The following HMGCLL1 variants were observed in gnomAD, a reference collection of about 807,000 sequenced individuals.
HMGCLL1 encodes the protein 3-hydroxymethyl-3-methylglutaryl-CoA lyase, cytoplasmic.
A neutral mutation model predicts 39.1 loss-of-function variants in HMGCLL1; 36 were observed. The observed-to-expected ratio is 0.92, with a 90% CI of 0.71 to 1.22. The LOEUF (loss-of-function observed/expected upper bound fraction) is 1.22, where lower values mean the gene tolerates loss of function less well. Among genes scored for constraint, HMGCLL1 ranks in the 50% most tolerant of loss-of-function variants. The pLI is 0.00. For missense variants in HMGCLL1, 451 were observed against 416.5 expected (o/e 1.08, Z -0.72); for synonymous variants, 149 against 144.0 (o/e 1.03, Z -0.25).
At chr6:55,641,855 CT>C in the HMGCLL1 span, among the ~76,000 whole-genome samples, 360 of 141,822 alleles carry the variant, frequency 2.5e-3, 2 homozygotes, top group Middle Eastern at 0.015. Context: ...TCATAATTTT[CT>C]TTTTTTTTAA....
intron 8 of HMGCLL1, among the ~76,000 whole-genome samples, chr6:55,438,746 C>T (rs960989685): frequency 2.0e-5 from 3 of 152,054 alleles, no homozygotes; most frequent in Non-Finnish European, 4.4e-5. Flanking sequence ...ATTCATTTTA[C>T]AATACAGATG....
chr6:55,616,817 CTTAG>C, the HMGCLL1 span, among the ~76,000 whole-genome samples: 2 of 151,710 alleles, frequency 1.3e-5, no homozygotes, highest in Non-Finnish European at 2.9e-5. Flanking sequence ...CATTATGAAA[CTTAG>C]TTATGTCTTT....
chr6:55,543,642 C>G (rs1769780661), intron 1 of HMGCLL1, among the ~76,000 whole-genome samples: 1 of 143,686 alleles, frequency 7.0e-6, no homozygotes, highest in African/African-American at 2.6e-5. Flanking sequence ...TTGCTTGAGC[C>G]CAGGAGTTTG....
chr6:55,466,891 G>T (rs1313934478), intron 7 of HMGCLL1, among the ~76,000 whole-genome samples: 4 of 152,042 alleles, frequency 2.6e-5, no homozygotes, highest in South Asian at 2.1e-4. Context: ...GCTGGATAAA[G>T]TTCAAGAGTT....
intron 7 of HMGCLL1, among the ~76,000 whole-genome samples, chr6:55,470,841 G>A (rs1198961105): frequency 1.3e-5 from 2 of 151,582 alleles, no homozygotes; most frequent in African/African-American, 4.8e-5. Context: ...AGCATGAAGA[G>A]GGAACTGCCA....
At chr6:55,667,183 A>G in the HMGCLL1 span, among the ~76,000 whole-genome samples, 1 of 151,814 alleles carries the variant, frequency 6.6e-6, no homozygotes, top group Non-Finnish European at 1.5e-5. Context: ...TTTATGAATC[A>G]CTTGCAAAGA....
At chr6:55,606,696 A>G in the HMGCLL1 span, among the ~76,000 whole-genome samples, 1 of 152,068 alleles carries the variant, frequency 6.6e-6, no homozygotes, top group Non-Finnish European at 1.5e-5. Flanking sequence ...GAATTCCCTC[A>G]TATATATATT....
chr6:55,605,193 A>G, the HMGCLL1 span, among the ~76,000 whole-genome samples: 1 of 152,172 alleles, frequency 6.6e-6, no homozygotes, highest in Non-Finnish European at 1.5e-5. Context: ...AGGAAAGGGT[A>G]AAAACACTGG....
intron 1 of HMGCLL1, among the ~76,000 whole-genome samples, chr6:55,558,375 T>C (rs893278163): frequency 6.6e-6 from 1 of 152,228 alleles, no homozygotes; most frequent in Non-Finnish European, 1.5e-5. Flanking sequence ...GAGGTGGTCC[T>C]GGTTTATACC....
the HMGCLL1 span, among the ~76,000 whole-genome samples, chr6:55,676,744 T>G: frequency 1.3e-5 from 2 of 152,268 alleles, no homozygotes; most frequent in African/African-American, 2.4e-5. Context: ...ATCTTTTGAT[T>G]GTCCACAGTT....
At chr6:55,661,778 G>A in the HMGCLL1 span, among the ~76,000 whole-genome samples, 4 of 151,822 alleles carry the variant, frequency 2.6e-5, no homozygotes, top group Non-Finnish European at 5.9e-5. Flanking sequence ...GATAGGAATA[G>A]CATTGAATCT....
the HMGCLL1 span, among the ~76,000 whole-genome samples, chr6:55,627,820 G>A: frequency 7.8e-6 from 1 of 127,878 alleles, no homozygotes; most frequent in East Asian, 2.2e-4. Context: ...TTGCTCCTCA[G>A]ATTGCAGACA....
chr6:55,624,585 CATTCCATGGATG>C, the HMGCLL1 span, among the ~76,000 whole-genome samples: 59 of 152,258 alleles, frequency 3.9e-4, no homozygotes, highest in African/African-American at 1.4e-3. Flanking sequence ...CACATTGGTC[CATTCCATGGATG>C]ATATTATGCA....
the HMGCLL1 span, among the ~76,000 whole-genome samples, chr6:55,652,032 T>C: frequency 6.6e-6 from 1 of 152,184 alleles, no homozygotes; most frequent in Non-Finnish European, 1.5e-5. Context: ...CTCTTAGTGA[T>C]ATGAAGTTAA....
At chr6:55,593,284 T>C in the HMGCLL1 span, among the ~76,000 whole-genome samples, 1 of 152,188 alleles carries the variant, frequency 6.6e-6, no homozygotes, top group Non-Finnish European at 1.5e-5. Flanking sequence ...CATTCAAATA[T>C]TAGAAAATGT....
At chr6:55,568,309 C>A (rs1187355676) in intron 1 of HMGCLL1, among the ~76,000 whole-genome samples, 1 of 152,032 alleles carries the variant, frequency 6.6e-6, no homozygotes, top group African/African-American at 2.4e-5. Flanking sequence ...AAGATAATTT[C>A]CTGCTTGTTG....
the HMGCLL1 span, among the ~76,000 whole-genome samples, chr6:55,635,432 T>TA: frequency 0.011 from 1,640 of 147,946 alleles, 16 homozygotes; most frequent in South Asian, 0.02. Context: ...GAATTCTAGA[T>TA]AAAAAAAAAA....
chr6:55,604,073 C>G, the HMGCLL1 span, among the ~76,000 whole-genome samples: 1 of 151,980 alleles, frequency 6.6e-6, no homozygotes, highest in East Asian at 1.9e-4. Flanking sequence ...TTGTTTCAGC[C>G]AAAATTTTCC....
At chr6:55,630,133 T>C in the HMGCLL1 span, among the ~76,000 whole-genome samples, 1 of 152,096 alleles carries the variant, frequency 6.6e-6, no homozygotes, top group African/African-American at 2.4e-5. Context: ...TGTGAAAGCA[T>C]CTAGAAGGAG....
Sources: allele counts gnomAD v4.1 joint callset (sites outside exome capture counted in the v4.1 genomes callset), GRCh38; gene constraint gnomAD v4.1.1; transcripts MANE v1.5; gene names NCBI Gene and HGNC (gene_info 2026-07-23, HGNC 2026-07-21).